NAV2: variants seen among roughly 807,000 people sequenced by gnomAD.
NAV2 encodes helicase, APC down-regulated 1.
NAV2 carries 54 observed loss-of-function variants against 223.2 expected under a neutral mutation model. The ratio of observed to expected loss-of-function variants is 0.24; its 90% CI spans 0.19 to 0.30. NAV2 has a LOEUF of 0.30. NAV2 is among the 10% of genes least tolerant of loss of function. NAV2 has a pLI of 1.00. For synonymous variants in NAV2, 1,279 were observed against 1,239.3 expected, an observed-to-expected ratio of 1.03 and a Z score of -0.67; for missense variants, 2,806 against 3,147.5, an observed-to-expected ratio of 0.89 and a Z score of 2.60.
At chr11:19,911,268 A>G (rs1209165552) in intron 6 of NAV2, among the ~76,000 whole-genome samples, 1 of 152,170 alleles carries the variant, frequency 6.6e-6, no homozygotes, top group African/African-American at 2.4e-5. Flanking sequence ...GGAGCATCCA[A>G]TCCAATCTTG....
intron 10 of NAV2, among the ~76,000 whole-genome samples, 182 bp from the exon 11 acceptor site, chr11:19,983,943 C>T (rs1172849457): frequency 6.6e-6 from 1 of 152,114 alleles, no homozygotes; most frequent in Non-Finnish European, 1.5e-5. Flanking sequence ...GCTGGGGATC[C>T]TCTAGGTTGG....
intron 11 of NAV2, among the ~76,000 whole-genome samples, chr11:20,025,923 A>G (rs1166764828): frequency 6.6e-6 from 1 of 152,194 alleles, no homozygotes; most frequent in Non-Finnish European, 1.5e-5. Context: ...ACTGACATGC[A>G]TGGACTCTCT....
chr11:19,525,453 C>T (rs73420118), intron 1 of NAV2, among the ~76,000 whole-genome samples: 2,313 of 152,268 alleles, frequency 0.015, 60 homozygotes, highest in African/African-American at 0.053. Flanking sequence ...GGGGTGCAGG[C>T]AGAGGAAGTG....
At chr11:20,034,601 C>T (rs935084049) in intron 11 of NAV2, among the ~76,000 whole-genome samples, 4 of 152,140 alleles carry the variant, frequency 2.6e-5, no homozygotes, top group Non-Finnish European at 4.4e-5. Flanking sequence ...AGGCTGGTCT[C>T]GAACTCCTGA....
intron 1 of NAV2, among the ~76,000 whole-genome samples, chr11:19,675,155 C>T (rs2048680458): frequency 6.6e-6 from 1 of 152,146 alleles, no homozygotes; most frequent in African/African-American, 2.4e-5. Flanking sequence ...TCAACTTGGT[C>T]CCAACCTTTA....
chr11:20,008,406 C>T (rs1198736465), intron 11 of NAV2, among the ~76,000 whole-genome samples: 1 of 152,170 alleles, frequency 6.6e-6, no homozygotes. Flanking sequence ...GTCATCTTCT[C>T]TGTCTTTTCT....
At chr11:19,577,044 G>A (rs1428139231) in intron 1 of NAV2, among the ~76,000 whole-genome samples, 1 of 152,250 alleles carries the variant, frequency 6.6e-6, no homozygotes, top group African/African-American at 2.4e-5. Flanking sequence ...GTTCCAGGAA[G>A]TGCCTTGCAC....
intron 1 of NAV2, among the ~76,000 whole-genome samples, chr11:19,665,786 C>T (rs2048394801): frequency 1.3e-5 from 2 of 152,172 alleles, no homozygotes; most frequent in Non-Finnish European, 2.9e-5. Flanking sequence ...TCTTATCACT[C>T]TTCTTATAAA....
At chr11:19,804,681 T>G (rs1004679582) in intron 1 of NAV2, among the ~76,000 whole-genome samples, 1 of 152,220 alleles carries the variant, frequency 6.6e-6, no homozygotes. Context: ...ATCCATCTGA[T>G]AGACATTTAT....
chr11:19,396,721 C>T (rs1167031962), intron 1 of NAV2, among the ~76,000 whole-genome samples: 3 of 152,148 alleles, frequency 2.0e-5, no homozygotes, highest in African/African-American at 7.2e-5. Context: ...GTCCGTGGGG[C>T]CTCCAGTTCG....
intron 1 of NAV2, among the ~76,000 whole-genome samples, chr11:19,441,157 C>T (rs189864439): frequency 4.2e-4 from 64 of 152,050 alleles, no homozygotes; most frequent in South Asian, 2.1e-4. Context: ...TGTCTCATGC[C>T]GGGGGAGGAA....
chr11:19,495,096 A>G (rs938929863), intron 1 of NAV2, among the ~76,000 whole-genome samples: 3 of 152,214 alleles, frequency 2.0e-5, no homozygotes, highest in African/African-American at 7.2e-5. Flanking sequence ...TGGACTGGAC[A>G]GTTTGGAGGG....
intron 8 of NAV2, among the ~76,000 whole-genome samples, chr11:19,945,418 A>AT (rs1722769468): frequency 1.3e-5 from 2 of 148,568 alleles, no homozygotes; most frequent in African/African-American, 5.0e-5. Context: ...TCTGTTACCC[A>AT]GGCTGGATTG....
At chr11:20,095,582 G>A (rs60453559) in intron 29 of NAV2, 90 bp from the exon 30 acceptor site, 2 of 841,416 alleles carry the variant, frequency 2.4e-6, no homozygotes, top group African/African-American at 1.7e-5. Flanking sequence ...CAAACCATTG[G>A]CGGAGTTCTA....
chr11:20,111,342 G>T (rs1303970619), intron 36 of NAV2, among the ~76,000 whole-genome samples: 1 of 152,176 alleles, frequency 6.6e-6, no homozygotes, highest in Non-Finnish European at 1.5e-5. Context: ...CCTCCCCTCT[G>T]TGTCTGTCTG....
chr11:19,361,846 C>G (rs1271119501), intron 1 of NAV2, among the ~76,000 whole-genome samples: 1 of 152,096 alleles, frequency 6.6e-6, no homozygotes, highest in Non-Finnish European at 1.5e-5. Flanking sequence ...ATTTGGATTC[C>G]TATAGAGTCT....
chr11:19,374,702 C>G (rs1042511671), intron 1 of NAV2, among the ~76,000 whole-genome samples: 1 of 152,104 alleles, frequency 6.6e-6, no homozygotes, highest in Non-Finnish European at 1.5e-5. Flanking sequence ...TTCTAAGAAG[C>G]CTTTACTGGA....
In NAV2 at chr11:19,721,984, T is replaced by C. The variant is rs931641874; in HGVS notation, c.267+8022T>C. Among the ~76,000 whole-genome samples, 7 of 152,232 alleles carry C rather than the reference T, an allele frequency of 4.6e-5. No homozygotes were observed. In the East Asian group the frequency reaches 7.7e-4, roughly 17 times the overall value. Reference sequence around the variant, plus strand: ...CACGTCTTTCAACTTTTCTGTAGGTTTGAAATTTTTAAAAACAAAACAAAG... The same window carrying C: ...CACGTCTTTCAACTTTTCTGTAGGTCTGAAATTTTTAAAAACAAAACAAAG... On this transcript the variant is annotated intron_variant, in intron 1 of 37. Transcript: ENST00000349880.
intron 2 of NAV2, among the ~76,000 whole-genome samples, chr11:19,839,220 A>G (rs758263666): frequency 6.6e-6 from 1 of 152,168 alleles, no homozygotes; most frequent in Non-Finnish European, 1.5e-5. Flanking sequence ...AAGAAGGTTT[A>G]AGAGGCCAGG....
Sources: allele counts gnomAD v4.1 joint callset (sites outside exome capture counted in the v4.1 genomes callset), GRCh38; gene constraint gnomAD v4.1.1; transcripts MANE v1.5; gene names NCBI Gene and HGNC (gene_info 2026-07-23, HGNC 2026-07-21).